CAND2: variants seen among roughly 807,000 people sequenced by gnomAD.
CAND2 encodes cullin-associated NEDD8-dissociated protein 2.
Under a neutral mutation model 98.9 loss-of-function variants are expected in CAND2, and 62 were observed. The ratio of observed to expected loss-of-function variants is 0.63; its 90% CI spans 0.51 to 0.77. The LOEUF is 0.77. CAND2 is among the 30% of genes least tolerant of loss of function. CAND2 has a pLI of 0.00. For missense variants in CAND2, 1,501 were observed against 1,655.2 expected, an observed-to-expected ratio of 0.91 and a Z score of 1.62; for synonymous variants, 770 against 731.9, an observed-to-expected ratio of 1.05 and a Z score of -0.84.
chr3:12,817,793 G>C lies in CAND2; in HGVS notation c.2861G>C (p.Gly954Ala). ...RCEGAEEGTR[G>A]VVAECIGKLV... ...GAGGGTGCTGAGGAGGGCACCCGGG[G>C]GGTGGTGGCCGAGTGCATTGGGAAG... The change falls in exon 10 of 15, where the codon GGG becomes GCG. Residue 954 changes from glycine (G) to alanine (A), a missense_variant. Physicochemically the swap from Gly to Ala is moderately conservative, Grantham distance 60. This residue lies in a region of CAND2 where 1,427 missense variants were observed against 1,545.3 expected (regional missense o/e 0.92). Coordinates refer to ENST00000456430, the MANE Select transcript of CAND2 (RefSeq NM_001162499.2). 1 of 1,530,068 alleles carries C rather than the reference G, an allele frequency of 6.5e-7. No homozygotes were observed. The highest frequency in any genetic ancestry group is 8.8e-7 in the Non-Finnish European group (1 of 1,140,418). 94.8% of individuals were successfully genotyped at this position (1,530,068 alleles called of 1,614,324 possible). A position where few individuals can be genotyped will look rare whatever the true frequency, so the allele number is the denominator to read the frequency against.
intron 10 of CAND2, 30 bp from the exon 11 acceptor site, chr3:12,820,056 C>G (rs774107193): frequency 6.3e-7 from 1 of 1,593,730 alleles, no homozygotes; most frequent in Admixed American, 1.7e-5. Flanking sequence ...GCCCCTGCCC[C>G]TCACTAACTC....
rs1189067324 is a variant in CAND2, at chr3:12,813,037, C to T, written c.805C>T (p.Leu269=). The change falls in exon 6 of 15, where the codon CTG becomes TTG. Residue 269 remains leucine, a synonymous_variant. Coordinates refer to ENST00000456430, the MANE Select transcript of CAND2 (RefSeq NM_001162499.2). ...LVPLVEDFCN[L]DDDELRESCL... Reference sequence around the variant, plus strand: ...GCCCCTGGTGGAGGATTTCTGCAACCTGGATGATGATGAGCTCCGGGAGTC... The same window carrying T: ...GCCCCTGGTGGAGGATTTCTGCAACTTGGATGATGATGAGCTCCGGGAGTC... 6.3e-7 allele frequency: 1 copy of T among 1,584,758 alleles called. No individual in the cohort carries two copies. The highest frequency in any genetic ancestry group is 2.3e-5 in the East Asian group (1 of 44,128).
Position 12,807,380 on chromosome 3 carries a change from G to C in CAND2, c.287G>C (p.Arg96Pro). Residue 96 changes from arginine (R) to proline (P), a missense_variant, in exon 3 of 15, where the codon CGG (arginine) becomes CCG (proline). This residue lies in a region of CAND2 where 1,427 missense variants were observed against 1,545.3 expected (regional missense o/e 0.92). Transcript: ENST00000456430. Reference sequence around the variant, plus strand: ...GTGGACACCCTGTGCACCAACATGCGGTCAGACAAGGAGCAGCTGCGAGAC... The same window carrying C: ...GTGGACACCCTGTGCACCAACATGCCGTCAGACAAGGAGCAGCTGCGAGAC... ...TIVDTLCTNM[R>P]SDKEQLRDIA... The C allele has an allele frequency of 1.3e-6, 2 of 1,551,728 alleles. No individual in the cohort carries two copies. Among genetic ancestry groups the C allele is most frequent in the Non-Finnish European group, 1.7e-6 (2 of 1,146,988 alleles).
intron 1 of CAND2, among the ~76,000 whole-genome samples, chr3:12,797,603 G>T (rs1421548145): frequency 1.3e-5 from 2 of 152,180 alleles, no homozygotes; most frequent in African/African-American, 4.8e-5. Flanking sequence ...CATTCCCTGG[G>T]GAAACTGAGG....
chr3:12,810,549 G>C (rs537676813), intron 5 of CAND2, among the ~76,000 whole-genome samples: 25 of 152,336 alleles, frequency 1.6e-4, no homozygotes, highest in African/African-American at 5.1e-4. Context: ...GCCGGATAGG[G>C]CTTGAGAGGC....
At position 12,817,480 on chromosome 3, in the gene CAND2, G is replaced by A; in HGVS notation, c.2548G>A (p.Val850Met). ...KVLAFLSLAE[V>M]GQVAGPGHQR... ...CCTGGCATTCTTGTCGCTGGCTGAG[G>A]TGGGTCAGGTGGCTGGGCCAGGCCA... The change falls in exon 10 of 15, where the codon GTG (valine) becomes ATG (methionine). Residue 850 changes from valine to methionine, a missense_variant. Physicochemically the swap from Val to Met is conservative, Grantham distance 21. Coordinates refer to ENST00000456430, the MANE Select transcript of CAND2 (RefSeq NM_001162499.2). 1 of 1,613,562 alleles carries A rather than the reference G, an allele frequency of 6.2e-7. No individual in the cohort carries two copies. The highest frequency in any genetic ancestry group is 8.5e-7 in the Non-Finnish European group (1 of 1,179,892).
In CAND2 at chr3:12,813,023, A is replaced by T; in HGVS notation, c.791A>T (p.Glu264Val). 6.3e-7 allele frequency: 1 copy of T among 1,582,020 alleles called. No homozygotes were observed. The highest frequency in any genetic ancestry group is 2.1e-4 in the Middle Eastern group (1 of 4,802). Residue 264 changes from glutamate (E) to valine (V), a missense_variant, in exon 6 of 15, where the codon GAG (glutamate) becomes GTG (valine). Physicochemically the swap from Glu to Val is moderately radical, Grantham distance 121 (BLOSUM62 -2). This residue lies in a region of CAND2 where 1,427 missense variants were observed against 1,545.3 expected (regional missense o/e 0.92). Transcript: ENST00000456430. ...CTGGACCGCCTGGTGCCCCTGGTGG[A>T]GGATTTCTGCAACCTGGATGATGAT... ...AHLDRLVPLV[E>V]DFCNLDDDEL...
chr3:12,827,922 G>A (rs1313165467), intron 13 of CAND2, among the ~76,000 whole-genome samples: 1 of 151,608 alleles, frequency 6.6e-6, no homozygotes, highest in Non-Finnish European at 1.5e-5. Flanking sequence ...GGTTGAGGCT[G>A]CAGTGAAACA....
intron 11 of CAND2, among the ~76,000 whole-genome samples, chr3:12,824,856 C>T (rs938865937): frequency 2.6e-5 from 4 of 151,642 alleles, no homozygotes; most frequent in South Asian, 2.1e-4. Context: ...TGCAGTGTGC[C>T]GAGATCACAC....
Position 12,834,065 on chromosome 3 carries a change from TCTCTACTTTTGC to T in CAND2, c.*85_*96del. 8.6e-7 allele frequency: 1 copy of T among 1,162,018 alleles called. No individual in the cohort carries two copies. The highest frequency in any genetic ancestry group is 2.0e-4 in the Middle Eastern group (1 of 4,950). The allele number at this position is 1,162,018 out of a possible 1,614,324, so 72.0% of individuals were successfully genotyped here. A position where few individuals can be genotyped will look rare whatever the true frequency, so the allele number is the denominator to read the frequency against. The stretch of plus-strand genomic sequence containing the variant: ...GGCCTCCCCATCCCACCATCGCAGG[TCTCTACTTTTGC>T]CCTTCCACCATCTCACTGGGGGCCC... On this transcript the variant is annotated 3_prime_UTR_variant, in exon 15 of 15. Transcript: ENST00000456430.
chr3:12,810,584 A>T (rs943293803), intron 5 of CAND2, among the ~76,000 whole-genome samples: 2 of 152,208 alleles, frequency 1.3e-5, no homozygotes, highest in African/African-American at 4.8e-5. Context: ...GAGCTCGACA[A>T]ACCCCCAGGC....
At position 12,816,607 on chromosome 3, in the gene CAND2, C is replaced by T. The variant is rs574738317; in HGVS notation, c.1675C>T (p.Arg559Trp). Residue 559 changes from arginine to tryptophan, a missense_variant, in exon 10 of 15, where the codon CGG (arginine) becomes TGG (tryptophan). Transcript: ENST00000456430. ...VRALWPLHRPRMLDPEPYVGE... is the reference protein window; with the variant it reads ...VRALWPLHRPWMLDPEPYVGE... ...GGCCCTGTGGCCGCTGCACAGGCCT[C>T]GGATGCTGGATCCTGAGCCATATGT... 91 of 1,613,878 alleles carry T rather than the reference C, an allele frequency of 5.6e-5. 1 individual carries two copies. The South Asian group carries it at 7.9e-4, about 14-fold the overall frequency.
intron 4 of CAND2, among the ~76,000 whole-genome samples, chr3:12,808,694 G>A (rs2061826081): frequency 6.6e-6 from 1 of 152,186 alleles, no homozygotes; most frequent in African/African-American, 2.4e-5. Flanking sequence ...AGGGCTGATA[G>A]GAGCTCAGAG....
At chr3:12,826,917 A>G (rs191706565) in intron 12 of CAND2, among the ~76,000 whole-genome samples, 94 of 137,518 alleles carry the variant, frequency 6.8e-4, no homozygotes, top group South Asian at 1.4e-3. Flanking sequence ...TGCAACCTCC[A>G]CCTCCCTGGT....
Position 12,822,453 on chromosome 3 carries a change from C to T in CAND2, c.3040+2272C>T, listed in dbSNP as rs78114968. Among the ~76,000 whole-genome samples the T allele has an allele frequency of 5.8e-4, 89 of 152,220 alleles. 1 individual carries two copies. In the East Asian group the frequency reaches 0.013, roughly 23 times the overall value. On this transcript the variant is annotated intron_variant, in intron 11 of 14. Coordinates refer to ENST00000456430, the MANE Select transcript of CAND2 (RefSeq NM_001162499.2). ...GATTACAGATGTGCGCCAGCCACCACACCTGGCTACTTTTTAAATTTTTTT... is the reference window on the plus strand; with the variant it reads ...GATTACAGATGTGCGCCAGCCACCATACCTGGCTACTTTTTAAATTTTTTT...
rs919436967 is a variant in CAND2, at chr3:12,834,187, T to C, written c.*205T>C. 2.4e-5 allele frequency: 14 copies of C among 591,404 alleles called. No homozygotes were observed. The highest frequency in any genetic ancestry group is 1.8e-5 in the Non-Finnish European group (6 of 332,146). 36.6% of individuals were successfully genotyped at this position (591,404 alleles called of 1,614,324 possible). A position where few individuals can be genotyped will look rare whatever the true frequency, so the allele number is the denominator to read the frequency against. On this transcript the variant is annotated 3_prime_UTR_variant, in exon 15 of 15. Coordinates refer to ENST00000456430, the MANE Select transcript of CAND2 (RefSeq NM_001162499.2). ...GCCCAAGCTGTGAGGCTGCCAACAG[T>C]TGGGCCCCTTCCTTAACTCAGGACA...
intron 4 of CAND2, among the ~76,000 whole-genome samples, chr3:12,809,043 G>A (rs1359090795): frequency 1.3e-5 from 2 of 152,124 alleles, no homozygotes; most frequent in Non-Finnish European, 2.9e-5. Flanking sequence ...AACAGGCAGG[G>A]GACTGGTTAA....
At chr3:12,825,436 T>C (rs2061991086) in intron 11 of CAND2, 34 bp from the exon 12 acceptor site, 1 of 1,536,494 alleles carries the variant, frequency 6.5e-7, no homozygotes, top group African/African-American at 1.4e-5. Context: ...GCTTTGGCTG[T>C]GCATCCCCCA....
Position 12,817,215 on chromosome 3 carries a change from G to A in CAND2, c.2283G>A (p.Leu761=). The A allele has an allele frequency of 6.2e-7, 1 of 1,613,564 alleles. No homozygotes were observed. Among genetic ancestry groups the A allele is most frequent in the Non-Finnish European group, 8.5e-7 (1 of 1,180,018 alleles). Reference sequence around the variant, plus strand: ...TTCTGGCAGCTGCTGAAGGCTTCCTGCAGGCCCTGGTAGGGACCCGTCCCC... The same window carrying A: ...TTCTGGCAGCTGCTGAAGGCTTCCTACAGGCCCTGGTAGGGACCCGTCCCC... ...AGVLAAAEGF[L]QALVGTRPPC... is the part of the protein sequence containing the mutation. Residue 761 remains leucine, a synonymous_variant, in exon 10 of 15, where the codon CTG becomes CTA. Coordinates refer to ENST00000456430, the MANE Select transcript of CAND2 (RefSeq NM_001162499.2).
Sources: gnomAD v4.1 joint callset for allele counts (sites outside exome capture counted in the v4.1 genomes callset) on GRCh38, gnomAD v4.1.1 for gene constraint, gnomAD v4.1.1 regional missense constraint, MANE v1.5 for transcripts, NCBI Gene and HGNC (gene_info 2026-07-23, HGNC 2026-07-21) for gene names.